TRHDE: variants seen among roughly 807,000 people sequenced by gnomAD.
The protein encoded by TRHDE is thyrotropin releasing hormone degrading enzyme, also known as thyrotropin-releasing hormone-degrading ectoenzyme.
Under a neutral mutation model 125.7 loss-of-function variants are expected in TRHDE, and 72 were observed. That is an observed-to-expected ratio of 0.57 (90% CI 0.47 to 0.70). The LOEUF (loss-of-function observed/expected upper bound fraction) is 0.70, where lower values mean the gene tolerates loss of function less well. Ranked by LOEUF, TRHDE falls within the 30% of genes least tolerant of loss-of-function variation. The pLI, the probability that TRHDE is intolerant of heterozygous loss-of-function variation, is 0.00. For missense variants in TRHDE, 1,110 were observed against 1,327.1 expected (o/e 0.84, Z 2.54); for synonymous variants, 509 against 509.1 (o/e 1.00, Z 0.00).
intron 2 of TRHDE, among the ~76,000 whole-genome samples, chr12:72,161,301 C>G (rs562257857): frequency 5.3e-5 from 8 of 152,018 alleles, no homozygotes; most frequent in Non-Finnish European, 1.0e-4. Context: ...GGCGTGGTGG[C>G]ACTCGCCTGT....
chr12:72,372,557 A>G (rs1392970359), intron 2 of TRHDE, among the ~76,000 whole-genome samples: 58 of 152,240 alleles, frequency 3.8e-4, no homozygotes, highest in Admixed American at 2.9e-3. Context: ...ATCTTGAATT[A>G]ATTTTTGTAT....
intron 2 of TRHDE, among the ~76,000 whole-genome samples, chr12:72,306,959 G>A (rs1472023804): frequency 2.6e-5 from 4 of 152,104 alleles, no homozygotes; most frequent in African/African-American, 9.7e-5. Context: ...CAGGAGTTGA[G>A]GCAGAGGAAT....
rs1874479925 is a variant in TRHDE at position 72,431,564 on chromosome 12, A to G, written c.1316-38194A>G. ...TCTGTCTGCTATTTTTCCACTCACA[A>G]TCTTATATTTAGGTACCTTTTGATT... is the stretch of plus-strand genomic sequence containing the variant. On this transcript the variant is annotated intron_variant, in intron 3 of 18. Coordinates refer to ENST00000261180, the MANE Select transcript of TRHDE (RefSeq NM_013381.3). 2.6e-5 allele frequency among the ~76,000 whole-genome samples: 4 copies of G among 152,144 alleles called. No individual in the cohort carries two copies. The South Asian group carries it at 8.3e-4, about 32-fold the overall frequency.
chr12:72,244,187 C>T (rs1483927245), intron 2 of TRHDE, among the ~76,000 whole-genome samples: 3 of 152,100 alleles, frequency 2.0e-5, no homozygotes, highest in African/African-American at 7.2e-5. Context: ...GTTACTGACC[C>T]CCTACCTAGT....
chr12:72,512,412 A>AT (rs1565771973), intron 6 of TRHDE, among the ~76,000 whole-genome samples: 17 of 123,990 alleles, frequency 1.4e-4, no homozygotes, highest in Admixed American at 6.2e-4. Context: ...ATATAATTAT[A>AT]ACTATATAAT....
At chr12:72,431,173 G>T in intron 3 of TRHDE, among the ~76,000 whole-genome samples, 1 of 151,964 alleles carries the variant, frequency 6.6e-6, no homozygotes, top group East Asian at 1.9e-4. Context: ...TAGGATTTTT[G>T]TTTAGTTTAT....
intron 2 of TRHDE, among the ~76,000 whole-genome samples, chr12:72,367,259 A>G (rs1871376251): frequency 6.6e-6 from 1 of 152,078 alleles, no homozygotes; most frequent in East Asian, 1.9e-4. Context: ...GTCTCAATGC[A>G]TCTTAAGTTC....
At chr12:72,227,298 G>T (rs1032909055) in intron 2 of TRHDE, among the ~76,000 whole-genome samples, 5 of 152,174 alleles carry the variant, frequency 3.3e-5, no homozygotes, top group Non-Finnish European at 7.4e-5. Flanking sequence ...AGGCATCACA[G>T]TCATGAAAGA....
At chr12:72,474,624 C>T (rs758301940) in intron 5 of TRHDE, among the ~76,000 whole-genome samples, 2 of 152,096 alleles carry the variant, frequency 1.3e-5, no homozygotes, top group African/African-American at 2.4e-5. Flanking sequence ...GAATAGTATT[C>T]TCTTGCGTGT....
intron 3 of TRHDE, among the ~76,000 whole-genome samples, chr12:72,411,886 A>G (rs763613149): frequency 1.4e-4 from 21 of 152,160 alleles, no homozygotes; most frequent in Non-Finnish European, 2.6e-4. Flanking sequence ...GAAAAAGACA[A>G]ACTTTTTAAT....
chr12:72,623,136 G>A (rs1035595893), intron 15 of TRHDE, among the ~76,000 whole-genome samples: 5 of 151,844 alleles, frequency 3.3e-5, no homozygotes, highest in African/African-American at 1.2e-4. Flanking sequence ...GACCATGGAA[G>A]TAAACATTTA....
chr12:72,582,467 GT>G (rs1871279713), intron 12 of TRHDE: 1 of 985,324 alleles, frequency 1.0e-6, no homozygotes, highest in Non-Finnish European at 1.2e-6. Flanking sequence ...TTTGTTAGAA[GT>G]TTTTTTGTGT....
intron 5 of TRHDE, among the ~76,000 whole-genome samples, chr12:72,483,346 T>C (rs1184893872): frequency 6.6e-6 from 1 of 152,072 alleles, no homozygotes. Flanking sequence ...GGCTGTCTGC[T>C]ACTTAATAGC....
chr12:72,473,272 C>A, intron 5 of TRHDE, 92 bp downstream of exon 5: 1 of 851,470 alleles, frequency 1.2e-6, no homozygotes, highest in Non-Finnish European at 1.9e-6. Flanking sequence ...ACTAAAAATA[C>A]CAACTGATGC....
chr12:72,628,754 C>A (rs1419288402), intron 15 of TRHDE, among the ~76,000 whole-genome samples: 1 of 151,826 alleles, frequency 6.6e-6, no homozygotes, highest in African/African-American at 2.4e-5. Flanking sequence ...AAATGAAAAT[C>A]CTTTTCATAG....
At chr12:72,168,002 G>T (rs1456755714) in intron 2 of TRHDE, among the ~76,000 whole-genome samples, 1 of 152,160 alleles carries the variant, frequency 6.6e-6, no homozygotes. Context: ...TTCTAATTAT[G>T]AAGGGAGAAA....
rs540623063 is a variant in TRHDE at position 72,353,772 on chromosome 12, T to G, written c.1189-24223T>G. Among the ~76,000 whole-genome samples the G allele has an allele frequency of 2.6e-5, 4 of 151,804 alleles. No individual in the cohort carries two copies. The East Asian group carries it at 7.8e-4, about 30-fold the overall frequency. On this transcript the variant is annotated intron_variant, in intron 2 of 18. Coordinates refer to ENST00000261180, the MANE Select transcript of TRHDE (RefSeq NM_013381.3). ...AATCAAATTTGCAAAAGTGGGAGAT[T>G]CTGATACTTACAAATGCTGGGGAGA...
At chr12:72,215,988 T>TAACAAGACAAA (rs1877882518) in intron 2 of TRHDE, among the ~76,000 whole-genome samples, 1 of 152,190 alleles carries the variant, frequency 6.6e-6, no homozygotes, top group African/African-American at 2.4e-5. Flanking sequence ...AAAGCTGGGT[T>TAACAAGACAAA]TACATGTCAT....
intron 6 of TRHDE, among the ~76,000 whole-genome samples, chr12:72,526,096 TTTATC>T (rs985021041): frequency 3.6e-4 from 55 of 152,242 alleles, no homozygotes; most frequent in African/African-American, 1.2e-3. Context: ...TTTAAAACAT[TTTATC>T]TTATCTATGG....
Sources: gnomAD v4.1 joint callset for allele counts (sites outside exome capture counted in the v4.1 genomes callset) on GRCh38, gnomAD v4.1.1 for gene constraint, MANE v1.5 for transcripts, NCBI Gene and HGNC (gene_info 2026-07-23, HGNC 2026-07-21) for gene names.